KIAA0232: variants seen among roughly 807,000 people sequenced by gnomAD.
KIAA0232 encodes uncharacterized protein KIAA0232.
A neutral mutation model predicts 122.0 loss-of-function variants in KIAA0232; 27 were observed. The observed-to-expected ratio is 0.22, with a 90% CI of 0.16 to 0.31. The LOEUF (loss-of-function observed/expected upper bound fraction) is 0.31, where lower values mean the gene tolerates loss of function less well. KIAA0232 is among the 10% of genes least tolerant of loss of function. KIAA0232 has a pLI of 1.00. For synonymous variants in KIAA0232, 613 were observed against 587.6 expected (o/e 1.04, Z -0.63); for missense variants, 1,551 against 1,634.2 (o/e 0.95, Z 0.88).
chr4:6,860,341 C>A (rs1334954829), intron 6 of KIAA0232, among the ~76,000 whole-genome samples: 1 of 152,148 alleles, frequency 6.6e-6, no homozygotes, highest in African/African-American at 2.4e-5. Flanking sequence ...GTAAAGCAGG[C>A]AGAGCCAGGA....
At chr4:6,838,004 G>A (rs1381095793) in intron 3 of KIAA0232, among the ~76,000 whole-genome samples, 1 of 152,116 alleles carries the variant, frequency 6.6e-6, no homozygotes, top group African/African-American at 2.4e-5. Flanking sequence ...GTAGATTCTG[G>A]ATATTAGCCC....
chr4:6,821,865 G>A (rs1156479930), intron 2 of KIAA0232, among the ~76,000 whole-genome samples: 1 of 151,982 alleles, frequency 6.6e-6, no homozygotes, highest in African/African-American at 2.4e-5. Context: ...AATGAGTATA[G>A]AATTCTAGGT....
At chr4:6,787,158 C>A in intron 1 of KIAA0232, among the ~76,000 whole-genome samples, 1 of 121,174 alleles carries the variant, frequency 8.3e-6, no homozygotes, top group African/African-American at 3.2e-5. Flanking sequence ...TCCAGCCTGG[C>A]GACAGAGCAA....
At chr4:6,860,416 C>T (rs1360764744) in intron 6 of KIAA0232, among the ~76,000 whole-genome samples, 2 of 152,264 alleles carry the variant, frequency 1.3e-5, no homozygotes, top group Middle Eastern at 3.4e-3. Context: ...AGCTTTTTAA[C>T]CGCATATATT....
chr4:6,823,459 A>G (rs1718516500), intron 2 of KIAA0232, among the ~76,000 whole-genome samples: 1 of 152,208 alleles, frequency 6.6e-6, no homozygotes, highest in African/African-American at 2.4e-5. Flanking sequence ...TTCAATAGTT[A>G]AAACAGTATA....
In KIAA0232 at chr4:6,861,498, A is replaced by T. The variant is rs1159719104; in HGVS notation, c.1116A>T (p.Glu372Asp). 6.2e-7 allele frequency: 1 copy of T among 1,614,032 alleles called. No individual in the cohort carries two copies. Among genetic ancestry groups the T allele is most frequent in the Non-Finnish European group, 8.5e-7 (1 of 1,180,022 alleles). The change falls in exon 7 of 10, where the codon GAA (glutamate) becomes GAT (aspartate). Residue 372 changes from glutamate to aspartate, a missense_variant. Transcript: ENST00000307659. ...AGCGGGGTAAGAGACCTTTAAAAGA[A>T]ATAGGGAGAAAAGATCCTGGGAGCA... ...LCKRGKRPLK[E>D]IGRKDPGSTE...
chr4:6,799,901 G>A (rs1192163905), intron 1 of KIAA0232, among the ~76,000 whole-genome samples: 15 of 151,384 alleles, frequency 9.9e-5, no homozygotes, highest in Non-Finnish European at 1.5e-5. Flanking sequence ...CACCATGTTG[G>A]CCAGGATAGT....
rs745959761 is a variant in KIAA0232 at position 6,862,116 on chromosome 4, C to G, written c.1734C>G (p.Gly578=). 6.2e-7 allele frequency: 1 copy of G among 1,614,018 alleles called. No individual in the cohort carries two copies. The highest frequency in any genetic ancestry group is 2.2e-5 in the East Asian group (1 of 44,886). The stretch of plus-strand genomic sequence containing the variant: ...CTACCAGCTCCGTAGGTGCTGAGGG[C>G]TTATTCCTGCAGGACCTTGGCAATC... ...TDSTSSVGAE[G]LFLQDLGNLA... The change falls in exon 7 of 10, where the codon GGC becomes GGG. Residue 578 remains glycine, a synonymous_variant. Transcript: ENST00000307659.
chr4:6,838,811 A>T (rs1255618172), intron 3 of KIAA0232, among the ~76,000 whole-genome samples: 4 of 141,914 alleles, frequency 2.8e-5, no homozygotes, highest in South Asian at 4.6e-4. Flanking sequence ...TGTTTTTGGT[A>T]GTTTATGAAT....
intron 3 of KIAA0232, among the ~76,000 whole-genome samples, chr4:6,827,239 G>A (rs948256936): frequency 6.6e-6 from 1 of 152,230 alleles, no homozygotes; most frequent in African/African-American, 2.4e-5. Flanking sequence ...TTTCCGTGAA[G>A]TTACAGTCCC....
At chr4:6,860,134 C>T (rs1720777064) in intron 6 of KIAA0232, among the ~76,000 whole-genome samples, 1 of 152,194 alleles carries the variant, frequency 6.6e-6, no homozygotes, top group South Asian at 2.1e-4. Context: ...GTGATCATTC[C>T]TACCCTTTCT....
chr4:6,797,723 A>G (rs906330219), intron 1 of KIAA0232, among the ~76,000 whole-genome samples: 5 of 145,674 alleles, frequency 3.4e-5, no homozygotes, highest in Non-Finnish European at 7.5e-5. Context: ...CCATGATTGC[A>G]CTACTGTGCT....
chr4:6,797,348 G>A (rs1167242852), intron 1 of KIAA0232, among the ~76,000 whole-genome samples: 1 of 152,182 alleles, frequency 6.6e-6, no homozygotes, highest in East Asian at 1.9e-4. Context: ...TGAGGTTCAG[G>A]CCTGTCATCT....
Position 6,861,177 on chromosome 4 carries a change from A to G in KIAA0232, c.795A>G (p.Glu265=), listed in dbSNP as rs200168051. Residue 265 remains glutamate (E), a synonymous_variant, in exon 7 of 10, where the codon GAA becomes GAG. Transcript: ENST00000307659. ...ACAAATTTAGTAATGGCACAATTGAAGAAAAGCCTGCTTTGTACAAAAAGC... is the reference window on the plus strand; with the variant it reads ...ACAAATTTAGTAATGGCACAATTGAGGAAAAGCCTGCTTTGTACAAAAAGC... The part of the protein sequence containing the change: ...KENKFSNGTI[E]EKPALYKKQI... The G allele has an allele frequency of 3.7e-5, 60 of 1,614,204 alleles. No homozygotes were observed. The highest frequency in any genetic ancestry group is 5.3e-5 in the African/African-American group (4 of 75,062).
intron 2 of KIAA0232, among the ~76,000 whole-genome samples, chr4:6,818,717 A>G (rs1718264057): frequency 6.6e-6 from 1 of 152,134 alleles, no homozygotes; most frequent in African/African-American, 2.4e-5. Context: ...TGGAAAAAAA[A>G]AAAAACTATT....
intron 3 of KIAA0232, among the ~76,000 whole-genome samples, chr4:6,830,626 C>T (rs1194060732): frequency 5.3e-5 from 8 of 151,904 alleles, no homozygotes; most frequent in African/African-American, 1.7e-4. Context: ...AGGCTGGTCT[C>T]GAACTCCTGG....
rs1285207309 is a variant in KIAA0232 at position 6,882,692 on chromosome 4, T to C, written c.*1726T>C. The C allele has an allele frequency of 6.6e-6, 1 of 152,508 alleles. No individual in the cohort carries two copies. Among genetic ancestry groups the C allele is most frequent in the East Asian group, 1.9e-4 (1 of 5,196 alleles). 9.4% of individuals were successfully genotyped at this position (152,508 alleles called of 1,614,324 possible). ...TGTGTAAGGTTTTATGTTGCTGTTATTTATTTACGAACTTCAGATACGTTT... is the reference window on the plus strand; with the variant it reads ...TGTGTAAGGTTTTATGTTGCTGTTACTTATTTACGAACTTCAGATACGTTT... On this transcript the variant is annotated 3_prime_UTR_variant, in exon 10 of 10. Transcript: ENST00000307659.
At chr4:6,876,444 C>A (rs1366902344) in intron 8 of KIAA0232, among the ~76,000 whole-genome samples, 2 of 152,158 alleles carry the variant, frequency 1.3e-5, no homozygotes, top group Non-Finnish European at 2.9e-5. Flanking sequence ...TTTTAACTCA[C>A]CAAACCAAGA....
intron 1 of KIAA0232, among the ~76,000 whole-genome samples, chr4:6,788,227 A>T (rs150121690): frequency 1.5e-3 from 230 of 152,176 alleles, no homozygotes; most frequent in African/African-American, 5.0e-3. Flanking sequence ...TCTGTTGCCT[A>T]GACTGGCTTC....
Sources: gnomAD v4.1 joint callset for allele counts (sites outside exome capture counted in the v4.1 genomes callset) on GRCh38, gnomAD v4.1.1 for gene constraint, MANE v1.5 for transcripts, NCBI Gene and HGNC (gene_info 2026-07-23, HGNC 2026-07-21) for gene names.